Variants in EHMT1 observed in about 807,000 individuals in gnomAD.
EHMT1 encodes euchromatic histone lysine methyltransferase 1, also known as histone-lysine N-methyltransferase EHMT1.
In EHMT1, 15 loss-of-function variants were observed where a neutral mutation model predicts 147.2. The ratio of observed to expected loss-of-function variants is 0.10; its 90% confidence interval spans 0.07 to 0.16. The LOEUF (loss-of-function observed/expected upper bound fraction) is 0.16. Ranked by LOEUF, EHMT1 falls within the 10% of genes least tolerant of loss-of-function variation. EHMT1 has a pLI of 1.00. For missense variants in EHMT1, 1,587 were observed against 1,772.4 expected, an observed-to-expected ratio of 0.90 and a Z score of 1.88; for synonymous variants, 795 against 709.6, an observed-to-expected ratio of 1.12 and a Z score of -1.91.
intron 1 of EHMT1, among the ~76,000 whole-genome samples, chr9:137,626,420 G>C (rs1342677595): frequency 6.6e-6 from 1 of 151,812 alleles, no homozygotes; most frequent in Non-Finnish European, 1.5e-5. Flanking sequence ...CTACTCAGGA[G>C]GCTGAGGCAG....
intron 9 of EHMT1, among the ~76,000 whole-genome samples, chr9:137,760,684 G>A (rs1168053271): frequency 6.6e-6 from 1 of 152,192 alleles, no homozygotes; most frequent in Non-Finnish European, 1.5e-5. Flanking sequence ...AGACAGAAGC[G>A]GCTGTGGTGA....
In EHMT1 at chr9:137,813,163, A is replaced by G; in HGVS notation, c.3025A>G (p.Ile1009Val). The change falls in exon 20 of 27, where the codon ATA (isoleucine) becomes GTA (valine). Residue 1009 changes from isoleucine (I) to valine (V), a missense_variant. Ile to Val is a conservative substitution (Grantham distance 29). Transcript: ENST00000460843. This position sits in a 1 kb window ranked among gnomAD's most constrained non-coding sequence, Gnocchi z 4.9. ...APDRPSPVER[I>V]VSRDIARGYE... ...CGACAGGCCCAGCCCCGTGGAGAGG[A>G]TAGTGAGCAGGTGAGCCCAGCCCCA... 1 of 1,609,776 alleles carries G rather than the reference A, an allele frequency of 6.2e-7. No homozygotes were observed.
chr9:137,756,082 T>TGG (rs762850416), intron 8 of EHMT1, among the ~76,000 whole-genome samples: 1 of 152,214 alleles, frequency 6.6e-6, no homozygotes, highest in African/African-American at 2.4e-5. Flanking sequence ...TTATTTTACT[T>TGG]GGGGGGTTCA....
chr9:137,668,812 T>C (rs1298396638), intron 1 of EHMT1, among the ~76,000 whole-genome samples: 1 of 152,208 alleles, frequency 6.6e-6, no homozygotes, highest in East Asian at 1.9e-4. Flanking sequence ...GGGTTTTCAT[T>C]TCTTCGGCTA....
Position 137,816,346 on chromosome 9 carries a change from A to C in EHMT1, c.3374+284A>C, listed in dbSNP as rs112321241. On this transcript the variant is annotated intron_variant, in intron 23 of 26. Transcript: ENST00000460843. ...GAGGAACGGACTTGGCCTAAGAATT[A>C]CCTTTGTTACCGAGTTCATGCGAAC... 2.6e-4 allele frequency: 123 copies of C among 478,114 alleles called. 1 individual carries two copies. Among genetic ancestry groups the C allele is most frequent in the African/African-American group, 2.1e-3 (106 of 51,132 alleles). 29.6% of individuals were successfully genotyped at this position (478,114 alleles called of 1,614,324 possible).
chr9:137,802,847 T>C lies in EHMT1; in HGVS notation c.2712+1863T>C, dbSNP rs1356467955. On this transcript the variant is annotated intron_variant, in intron 18 of 26. Transcript: ENST00000460843. ...TCATTCCACCGGAGTTCTTTCCCAC[T>C]GCGGGTTAGGATGACGGCACCATGA... is the stretch of plus-strand genomic sequence containing the variant. 12 of 1,231,728 alleles carry C rather than the reference T, an allele frequency of 9.7e-6. No homozygotes were observed. In the African/African-American group the frequency reaches 1.7e-4, roughly 18 times the overall value. The allele number at this position is 1,231,728 out of a possible 1,614,324, so 76.3% of individuals were successfully genotyped here. A position where few individuals can be genotyped will look rare whatever the true frequency, so the allele number is the denominator to read the frequency against.
intron 15 of EHMT1, chr9:137,788,406 G>A (rs1952177381): frequency 8.0e-6 from 2 of 249,222 alleles, no homozygotes; most frequent in South Asian, 2.7e-4. Context: ...GCAGGTGTAA[G>A]GAGGTTGCAG....
At chr9:137,667,077 C>G (rs1192454471) in intron 1 of EHMT1, 1 of 152,202 alleles carries the variant, frequency 6.6e-6, no homozygotes, top group Middle Eastern at 3.2e-3. Flanking sequence ...TTCCTTTGTG[C>G]CTGCCCTTGA....
At chr9:137,744,321 TTTTC>T (rs1281737783) in intron 6 of EHMT1, among the ~76,000 whole-genome samples, 1 of 151,878 alleles carries the variant, frequency 6.6e-6, no homozygotes, top group Non-Finnish European at 1.5e-5. Context: ...TTTTTCTGTG[TTTTC>T]TTTCTTTCTT....
At chr9:137,730,156 G>C (rs1183909107) in intron 4 of EHMT1, among the ~76,000 whole-genome samples, 1 of 152,210 alleles carries the variant, frequency 6.6e-6, no homozygotes, top group African/African-American at 2.4e-5. Flanking sequence ...ACTGACAAGT[G>C]TCCTTAGGAA....
chr9:137,641,827 CA>C (rs989430628), intron 1 of EHMT1, among the ~76,000 whole-genome samples: 1 of 151,508 alleles, frequency 6.6e-6, no homozygotes, highest in African/African-American at 2.4e-5. Context: ...ACTAAGATCA[CA>C]TTTTTTTTTT....
At chr9:137,667,083 C>G (rs1466806658) in intron 1 of EHMT1, 1 of 152,216 alleles carries the variant, frequency 6.6e-6, no homozygotes, top group Non-Finnish European at 1.5e-5. Context: ...TGTGCCTGCC[C>G]TTGAAACGCG....
At chr9:137,723,487 G>A (rs1442872781) in intron 3 of EHMT1, among the ~76,000 whole-genome samples, 1 of 141,774 alleles carries the variant, frequency 7.1e-6, no homozygotes, top group African/African-American at 2.7e-5. Context: ...GGGTGTGTCT[G>A]TGTCTGTGGT....
intron 16 of EHMT1, among the ~76,000 whole-genome samples, chr9:137,795,432 C>CACACACACACACACAT (rs144483646): frequency 7.6e-6 from 1 of 131,462 alleles, no homozygotes; most frequent in East Asian, 2.0e-4. Flanking sequence ...CACACACTCT[C>CACACACACACACACAT]ACACTCACAT....
At chr9:137,770,690 C>T (rs563761553) in intron 10 of EHMT1, among the ~76,000 whole-genome samples, 1 of 152,294 alleles carries the variant, frequency 6.6e-6, no homozygotes, top group East Asian at 1.9e-4. Context: ...CCTTGTTCAG[C>T]AAGACAGAAG....
At chr9:137,621,941 TC>T (rs1378885340) in intron 1 of EHMT1, among the ~76,000 whole-genome samples, 2 of 151,874 alleles carry the variant, frequency 1.3e-5, no homozygotes, top group Non-Finnish European at 2.9e-5. Flanking sequence ...CTCCTGTCTT[TC>T]TTTTTTTTTT....
chr9:137,831,349 G>A (rs1956173192), intron 25 of EHMT1, among the ~76,000 whole-genome samples: 1 of 152,202 alleles, frequency 6.6e-6, no homozygotes, highest in African/African-American at 2.4e-5. Flanking sequence ...AGGATTTGGG[G>A]AGAGTCATCA....
At chr9:137,682,706 G>A (rs74806505) in intron 1 of EHMT1, among the ~76,000 whole-genome samples, 5,013 of 152,296 alleles carry the variant, frequency 0.033, 114 homozygotes, top group Non-Finnish European at 0.052. Flanking sequence ...CCCCGTGGGC[G>A]GTGAGCTGTC....
At chr9:137,678,709 TCC>T (rs35207834) in intron 1 of EHMT1, among the ~76,000 whole-genome samples, 3 of 129,498 alleles carry the variant, frequency 2.3e-5, no homozygotes, top group African/African-American at 5.9e-5. Context: ...TATATGAATG[TCC>T]CCCCCCCCGC....
Sources: allele counts gnomAD v4.1 joint callset (sites outside exome capture counted in the v4.1 genomes callset), GRCh38; gene constraint gnomAD v4.1.1; non-coding constraint Gnocchi (gnomAD v3.1); transcripts MANE v1.5; gene names NCBI Gene and HGNC (gene_info 2026-07-23, HGNC 2026-07-21).